TTLL2: variants seen among roughly 807,000 people sequenced by gnomAD.
The protein encoded by TTLL2 is probable tubulin polyglutamylase TTLL2.
In TTLL2, 10 loss-of-function variants were observed where a neutral mutation model predicts 7.5. The ratio of observed to expected loss-of-function variants is 1.33; its 90% confidence interval spans 0.82 to 2.25. The LOEUF (loss-of-function observed/expected upper bound fraction) is 2.25. TTLL2 is among the 30% of genes most tolerant of loss of function. TTLL2 has a pLI of 0.00. For synonymous variants in TTLL2, 284 were observed against 280.3 expected (o/e 1.01, Z -0.13); for missense variants, 733 against 735.7 (o/e 1.00, Z 0.04).
intron 1 of TTLL2, among the ~76,000 whole-genome samples, chr6:167,337,597 C>T (rs748510288): frequency 1.3e-5 from 2 of 152,148 alleles, no homozygotes; most frequent in South Asian, 2.1e-4. Flanking sequence ...TGCAGTCTGG[C>T]GCGGTGTCCC....
At chr6:167,338,895 C>T (rs1456309420) in intron 2 of TTLL2, 92 bp downstream of exon 2, 2 of 1,277,050 alleles carry the variant, frequency 1.6e-6, no homozygotes, top group Non-Finnish European at 2.1e-6. Context: ...CCCCTCCCTC[C>T]CCTCTTCCTT....
rs763090412 is a variant in TTLL2 at position 167,340,938 on chromosome 6, C to T, written c.1038C>T (p.His346=). 4 of 1,614,032 alleles carry T rather than the reference C, an allele frequency of 2.5e-6. No individual in the cohort carries two copies. The Admixed American group carries it at 5.0e-5, about 20-fold the overall frequency. ...ATCTGCTTTTGTGGAAGAAAATCCA[C>T]CGCATGGTTATTCTCACCATTCTCG... The part of the protein sequence containing the change: ...VDDLLLWKKI[H]RMVILTILAI... The change falls in exon 3 of 3, where the codon CAC becomes CAT. Residue 346 remains histidine (H), a synonymous_variant. Coordinates refer to ENST00000239587, the MANE Select transcript of TTLL2 (RefSeq NM_031949.5).
At chr6:167,328,658 G>C (rs923316002) in intron 1 of TTLL2, among the ~76,000 whole-genome samples, 18 of 152,206 alleles carry the variant, frequency 1.2e-4, no homozygotes, top group African/African-American at 4.3e-4. Flanking sequence ...TTTCCTTCCA[G>C]ATGAGGACTC....
At chr6:167,328,334 T>G in intron 1 of TTLL2, 2 of 317,264 alleles carry the variant, frequency 6.3e-6, no homozygotes, top group Non-Finnish European at 6.3e-6. Context: ...TACATTATTT[T>G]TGGCTGACTT....
At chr6:167,334,201 C>T (rs1159448586) in intron 1 of TTLL2, among the ~76,000 whole-genome samples, 2 of 146,430 alleles carry the variant, frequency 1.4e-5, no homozygotes, top group Non-Finnish European at 3.0e-5. Flanking sequence ...TCGTTATGTA[C>T]CCAGTAGTCA....
intron 1 of TTLL2, among the ~76,000 whole-genome samples, chr6:167,333,893 G>T (rs1244067149): frequency 7.7e-4 from 86 of 111,086 alleles, no homozygotes; most frequent in African/African-American, 2.7e-3. Flanking sequence ...CAAAAAACCA[G>T]CTCCTGGATT....
rs1778850375 is a variant in TTLL2, at chr6:167,326,567, C to T, written c.47+1347C>T. ...CTAGAACAATCACGCACAAGGCCTG[C>T]AGCTACTGTGCGTTCCTACCCAATA... is the stretch of plus-strand genomic sequence containing the variant. On this transcript the variant is annotated intron_variant, in intron 1 of 2. Coordinates refer to ENST00000239587, the MANE Select transcript of TTLL2 (RefSeq NM_031949.5). Among the ~76,000 whole-genome samples the T allele has an allele frequency of 2.0e-5, 3 of 152,268 alleles. No homozygotes were observed. The South Asian group carries it at 6.2e-4, about 32-fold the overall frequency.
At position 167,341,167 on chromosome 6, in the gene TTLL2, GA is replaced by G. The variant is rs1779086882; in HGVS notation, c.1268del (p.Glu423GlyfsTer54). 6.2e-7 allele frequency: 1 copy of G among 1,613,788 alleles called. No individual in the cohort carries two copies. Among genetic ancestry groups the G allele is most frequent in the African/African-American group, 1.3e-5 (1 of 74,800 alleles). ...GATTTACTTAAATGGTCTAAGAAAT[GA>G]GGGGAGAGAAGCCAGTAATGCCACA... ...DLIYLNGLRN[E>X]GREASNATHG... On this transcript the variant is annotated frameshift_variant, in exon 3 of 3. Coordinates refer to ENST00000239587, the MANE Select transcript of TTLL2 (RefSeq NM_031949.5). LOFTEE classifies it low-confidence loss of function (END_TRUNC).
In TTLL2 at chr6:167,332,274, G is replaced by A. The variant is rs1366430308; in HGVS notation, c.48-6373G>A. 2.0e-5 allele frequency among the ~76,000 whole-genome samples: 3 copies of A among 152,114 alleles called. 1 individual carries two copies. The highest frequency in any genetic ancestry group is 7.2e-5 in the African/African-American group (3 of 41,394). ...TTTTTTGAACACAGTTTCAGCAGTT[G>A]GCTGCCTGTGGTCGGCTGATTAGTA... On this transcript the variant is annotated intron_variant, in intron 1 of 2. Transcript: ENST00000239587.
chr6:167,332,326 G>C (rs888538753), intron 1 of TTLL2, among the ~76,000 whole-genome samples: 1 of 152,152 alleles, frequency 6.6e-6, no homozygotes, highest in Non-Finnish European at 1.5e-5. Flanking sequence ...TTGGTGATTA[G>C]TACAACAGTA....
chr6:167,342,262 T>C lies in TTLL2; in HGVS notation c.*583T>C, dbSNP rs1779107563. Among the ~76,000 whole-genome samples the C allele has an allele frequency of 6.6e-6, 1 of 152,238 alleles. No homozygotes were observed. Among genetic ancestry groups the C allele is most frequent in the South Asian group, 2.1e-4 (1 of 4,832 alleles). ...GCATCTTTGGGCTGTATTTAAATAG[T>C]GGCCCCTTGGCCTTGTCACCATTTG... On this transcript the variant is annotated 3_prime_UTR_variant, in exon 3 of 3. Transcript: ENST00000239587.
At chr6:167,338,493 T>C (rs1779022811) in intron 1 of TTLL2, among the ~76,000 whole-genome samples, 154 bp from the exon 2 acceptor site, 1 of 76,928 alleles carries the variant, frequency 1.3e-5, no homozygotes, top group African/African-American at 8.0e-5. Context: ...TGAAACTTAT[T>C]GATAGCATGG....
intron 1 of TTLL2, among the ~76,000 whole-genome samples, chr6:167,337,145 A>G (rs1778995522): frequency 6.6e-6 from 1 of 152,234 alleles, no homozygotes; most frequent in African/African-American, 2.4e-5. Context: ...CAGCATCTTC[A>G]AGTCTGAGAA....
At chr6:167,329,878 T>C (rs1181909794) in intron 1 of TTLL2, among the ~76,000 whole-genome samples, 1 of 152,206 alleles carries the variant, frequency 6.6e-6, no homozygotes, top group Admixed American at 6.5e-5. Flanking sequence ...TGATGTATTA[T>C]AGGCTAGAAG....
chr6:167,330,972 GC>G (rs1408261908), intron 1 of TTLL2, among the ~76,000 whole-genome samples: 1 of 152,168 alleles, frequency 6.6e-6, no homozygotes, highest in African/African-American at 2.4e-5. Flanking sequence ...TCCTTGTCCA[GC>G]CGGACCCAGT....
chr6:167,339,049 C>T (rs986931998), intron 2 of TTLL2, among the ~76,000 whole-genome samples: 8 of 150,304 alleles, frequency 5.3e-5, no homozygotes, highest in Non-Finnish European at 1.2e-4. Context: ...TTCCTCCTTC[C>T]TTCCTTCCCT....
rs750587993 is a variant in TTLL2 at position 167,340,070 on chromosome 6, C to A, written c.205-35C>A. On this transcript the variant is annotated intron_variant, in intron 2 of 2. Transcript: ENST00000239587. ...AAATCTACTAGGTTATGGTCTTGAC[C>A]ACTCTCCTAACCTTTCTCAATGATC... 8 of 1,536,900 alleles carry A rather than the reference C, an allele frequency of 5.2e-6. No individual in the cohort carries two copies. The South Asian group carries it at 7.8e-5, about 15-fold the overall frequency.
chr6:167,325,353 G>A, intron 1 of TTLL2, 133 bp downstream of exon 1: 2 of 841,284 alleles, frequency 2.4e-6, no homozygotes, highest in South Asian at 3.8e-5. Flanking sequence ...ACCCCCGAGG[G>A]GCAATTTGTA....
intron 2 of TTLL2, among the ~76,000 whole-genome samples, chr6:167,339,527 A>T (rs1447226069): frequency 1.3e-5 from 2 of 152,180 alleles, no homozygotes; most frequent in Non-Finnish European, 2.9e-5. Flanking sequence ...ACTAATAACC[A>T]CTTATTTGAG....
Sources: allele counts gnomAD v4.1 joint callset (sites outside exome capture counted in the v4.1 genomes callset), GRCh38; gene constraint gnomAD v4.1.1; transcripts MANE v1.5; gene names NCBI Gene and HGNC (gene_info 2026-07-23, HGNC 2026-07-21).